Variants in USP34 observed in about 807,000 individuals in gnomAD.
USP34 encodes ubiquitin carboxyl-terminal hydrolase 34.
In USP34, 70 loss-of-function variants were observed where a neutral mutation model predicts 460.3. The ratio of observed to expected loss-of-function variants is 0.15; its 90% CI spans 0.13 to 0.19. USP34 has a LOEUF of 0.19. USP34 is among the 10% of genes least tolerant of loss of function. The pLI, the probability that USP34 is intolerant of heterozygous loss-of-function variation, is 1.00. For missense variants in USP34, 3,985 were observed against 4,236.2 expected (o/e 0.94, Z 1.65); for synonymous variants, 1,647 against 1,405.3 (o/e 1.17, Z -3.85).
At chr2:61,339,710 CTA>C (rs1691527802) in intron 16 of USP34, 29 bp from the exon 17 acceptor site, 1 of 1,194,312 alleles carries the variant, frequency 8.4e-7, no homozygotes, top group African/African-American at 1.6e-5. Context: ...AAAAGACACA[CTA>C]TAGAGAAATG....
chr2:61,400,110 ATT>A (rs70963424), intron 3 of USP34, among the ~76,000 whole-genome samples: 102 of 141,690 alleles, frequency 7.2e-4, no homozygotes, highest in Middle Eastern at 3.5e-3. Context: ...AGGAAAGGCA[ATT>A]TTTTTTTTTT....
rs113215541 is a variant in USP34 at position 61,309,134 on chromosome 2, G to A, written c.3817+2406C>T. Among the ~76,000 whole-genome samples, 867 of 152,286 alleles carry A rather than the reference G, an allele frequency of 5.7e-3. 4 individuals are homozygous for A. The highest frequency in any genetic ancestry group is 9.7e-3 in the Non-Finnish European group (663 of 68,016). On this transcript the variant is annotated intron_variant, in intron 27 of 79. Coordinates refer to ENST00000398571, the MANE Select transcript of USP34 (RefSeq NM_014709.4). ...GCAATGATGAAAGCAAGAAACAATGGAGAAGTACCTCTAAAATTGTGCAAC... is the reference window on the plus strand; with the variant it reads ...GCAATGATGAAAGCAAGAAACAATGAAGAAGTACCTCTAAAATTGTGCAAC...
At chr2:61,295,788 T>C (rs1024110964) in intron 30 of USP34, among the ~76,000 whole-genome samples, 1 of 152,246 alleles carries the variant, frequency 6.6e-6, no homozygotes, top group Non-Finnish European at 1.5e-5. Context: ...ATTTGGCATT[T>C]TGAAGAGCCC....
At chr2:61,321,046 C>T (rs146813309) in intron 21 of USP34, among the ~76,000 whole-genome samples, 224 of 151,660 alleles carry the variant, frequency 1.5e-3, no homozygotes, top group African/African-American at 5.2e-3. Flanking sequence ...CAGGGTGGCA[C>T]GCACCTTTAG....
intron 62 of USP34, among the ~76,000 whole-genome samples, chr2:61,226,356 A>C (rs1284668114): frequency 6.6e-6 from 1 of 152,206 alleles, no homozygotes; most frequent in Non-Finnish European, 1.5e-5. Flanking sequence ...CCCGAGTGCC[A>C]CTTTTGGCAT....
chr2:61,436,581 C>T (rs1308541252), intron 1 of USP34, among the ~76,000 whole-genome samples: 1 of 152,200 alleles, frequency 6.6e-6, no homozygotes, highest in African/African-American at 2.4e-5. Flanking sequence ...ACGGGAGAGA[C>T]AGACCTCAAC....
chr2:61,219,517 A>T (rs983754698), intron 67 of USP34, among the ~76,000 whole-genome samples: 1 of 152,122 alleles, frequency 6.6e-6, no homozygotes, highest in Non-Finnish European at 1.5e-5. Flanking sequence ...CTAAAAATAC[A>T]AAAATTAGCT....
At chr2:61,230,959 G>A (rs1019328060) in intron 58 of USP34, among the ~76,000 whole-genome samples, 2 of 151,866 alleles carry the variant, frequency 1.3e-5, no homozygotes, top group African/African-American at 4.8e-5. Flanking sequence ...GTTCCTAACA[G>A]CATTACTAAA....
intron 58 of USP34, among the ~76,000 whole-genome samples, chr2:61,231,039 A>G (rs1687880257): frequency 6.6e-6 from 1 of 152,244 alleles, no homozygotes; most frequent in South Asian, 2.1e-4. Context: ...TGGACTATAT[A>G]CATTTGACAA....
chr2:61,212,046 A>G, intron 68 of USP34, 117 bp from the exon 69 acceptor site: 1 of 1,269,762 alleles, frequency 7.9e-7, no homozygotes, highest in Non-Finnish European at 1.0e-6. Flanking sequence ...GCTAGATTAT[A>G]CTTCCATTCA....
At chr2:61,313,267 C>T (rs762487909) in intron 25 of USP34, among the ~76,000 whole-genome samples, 123 of 151,522 alleles carry the variant, frequency 8.1e-4, no homozygotes, top group Non-Finnish European at 1.5e-3. Context: ...AAAATTTGTA[C>T]ATCTGAGAAG....
chr2:61,359,327 G>A (rs1417080097), intron 10 of USP34, among the ~76,000 whole-genome samples: 1 of 152,092 alleles, frequency 6.6e-6, no homozygotes, highest in Non-Finnish European at 1.5e-5. Flanking sequence ...AGGTTGCCAA[G>A]GCCATTTAAT....
chr2:61,454,421 G>A (rs1695371987), intron 1 of USP34, among the ~76,000 whole-genome samples: 1 of 151,204 alleles, frequency 6.6e-6, no homozygotes, highest in Admixed American at 6.6e-5. Context: ...ACTGCGCCCA[G>A]CCAGTTTTTT....
Position 61,190,692 on chromosome 2 carries a change from G to A in USP34, c.9589-34C>T, listed in dbSNP as rs762233148. The A allele has an allele frequency of 4.4e-6, 7 of 1,583,188 alleles. No individual in the cohort carries two copies. The South Asian group carries it at 6.9e-5, about 16-fold the overall frequency. On this transcript the variant is annotated intron_variant, in intron 76 of 79. Transcript: ENST00000398571. Reference sequence around the variant, plus strand: ...GGGAGAAGATGGTTGAGCACTTACGGTTGAGCACGGAAAAAACTTACACGG... The same window carrying A: ...GGGAGAAGATGGTTGAGCACTTACGATTGAGCACGGAAAAAACTTACACGG...
intron 31 of USP34, 58 bp from the exon 32 acceptor site, chr2:61,295,090 T>G (rs902445181): frequency 6.3e-7 from 1 of 1,599,084 alleles, no homozygotes; most frequent in Non-Finnish European, 8.5e-7. Flanking sequence ...TATTATAGAA[T>G]GGAAAAGACA....
At position 61,347,930 on chromosome 2, in the gene USP34, C is replaced by T. The variant is rs368376564; in HGVS notation, c.2225G>A (p.Arg742Gln). 2.4e-5 allele frequency: 38 copies of T among 1,613,774 alleles called. 1 individual carries two copies. Among genetic ancestry groups the T allele is most frequent in the South Asian group, 9.9e-5 (9 of 91,058 alleles). The change falls in exon 15 of 80, where the codon CGA (arginine) becomes CAA (glutamine). Residue 742 changes from arginine (R) to glutamine (Q), a missense_variant. Transcript: ENST00000398571. ...ETIGNELFNC[R>Q]QFIGPQHHHH... ...GTGATGCTGTGGACCAATAAATTGT[C>T]GACAATTAAATAATTCATTCCCAAT... is the stretch of plus-strand genomic sequence containing the variant.
At chr2:61,289,908 A>C (rs941767560) in intron 33 of USP34, among the ~76,000 whole-genome samples, 1 of 152,170 alleles carries the variant, frequency 6.6e-6, no homozygotes, top group African/African-American at 2.4e-5. Context: ...CATTAAAATT[A>C]AAACCTCTCC....
intron 27 of USP34, among the ~76,000 whole-genome samples, chr2:61,303,007 CTCAGATGT>C (rs755080906): frequency 8.5e-4 from 129 of 152,236 alleles, no homozygotes; most frequent in Middle Eastern, 3.4e-3. Context: ...TTTCAATTTA[CTCAGATGT>C]TCGCTTATCT....
At position 61,187,857 on chromosome 2, in the gene USP34, A is replaced by C. The variant is rs1686481618; in HGVS notation, c.*245T>G. 15 of 1,289,922 alleles carry C rather than the reference A, an allele frequency of 1.2e-5. No homozygotes were observed. Among genetic ancestry groups the C allele is most frequent in the Non-Finnish European group, 1.4e-5 (14 of 1,001,938 alleles). The allele number at this position is 1,289,922 out of a possible 1,614,324, so 79.9% of individuals were successfully genotyped here. A position where few individuals can be genotyped will look rare whatever the true frequency, so the allele number is the denominator to read the frequency against. ...ACAGCCATATTAAATGAAAGCCACT[A>C]AAGTGAACTCTTAATTACATAAAAC... On this transcript the variant is annotated 3_prime_UTR_variant, in exon 80 of 80. Transcript: ENST00000398571.
Sources: allele counts gnomAD v4.1 joint callset (sites outside exome capture counted in the v4.1 genomes callset), GRCh38; gene constraint gnomAD v4.1.1; transcripts MANE v1.5; gene names NCBI Gene and HGNC (gene_info 2026-07-23, HGNC 2026-07-21).